C13orf42: variants seen among roughly 807,000 people sequenced by gnomAD.
C13orf42 encodes the protein chromosome 13 open reading frame 42.
At chr13:51,088,197 G>A (rs1953150151) in intron 1 of C13orf42, 122 bp from the exon 2 acceptor site, 1 of 394,716 alleles carries the variant, frequency 2.5e-6, no homozygotes, top group Non-Finnish European at 4.5e-6. Context: ...GGTTTCAAAG[G>A]TAACTATGAA....
intron 1 of C13orf42, among the ~76,000 whole-genome samples, chr13:51,142,223 T>C (rs1323454787): frequency 6.6e-6 from 1 of 152,262 alleles, no homozygotes; most frequent in African/African-American, 2.4e-5. Flanking sequence ...GGGAAAGAAC[T>C]GTTATCACCT....
In C13orf42 at chr13:51,083,666, C is replaced by T. The variant is rs1009402734; in HGVS notation, c.*485G>A. On this transcript the variant is annotated 3_prime_UTR_variant, in exon 4 of 4. Transcript: ENST00000563710. ...GCTGCTTTCTCAACTGCATTCTGCA[C>T]ACAAGACGGCAACCTCAGTGCAGAT... 6.6e-6 allele frequency: 1 copy of T among 152,472 alleles called. No homozygotes were observed. The highest frequency in any genetic ancestry group is 2.4e-5 in the African/African-American group (1 of 41,470). 9.4% of individuals were successfully genotyped at this position (152,472 alleles called of 1,614,324 possible).
At chr13:51,167,046 T>A (rs943770346) in intron 1 of C13orf42, among the ~76,000 whole-genome samples, 5 of 151,456 alleles carry the variant, frequency 3.3e-5, no homozygotes, top group African/African-American at 1.2e-4. Context: ...GCCACTGCAC[T>A]CCAGCCTGGG....
At chr13:51,142,808 A>C (rs1000002405) in intron 1 of C13orf42, among the ~76,000 whole-genome samples, 95 of 152,192 alleles carry the variant, frequency 6.2e-4, no homozygotes, top group African/African-American at 2.2e-3. Context: ...TTATATAAGA[A>C]AGAATCTTCT....
chr13:51,150,110 G>C (rs1250373019), intron 1 of C13orf42, among the ~76,000 whole-genome samples: 1 of 152,198 alleles, frequency 6.6e-6, no homozygotes, highest in Admixed American at 6.5e-5. Flanking sequence ...TAACAGAATT[G>C]CACAAGAATT....
At chr13:51,153,516 A>G (rs1396248965) in intron 1 of C13orf42, among the ~76,000 whole-genome samples, 1 of 151,906 alleles carries the variant, frequency 6.6e-6, no homozygotes, top group African/African-American at 2.4e-5. Flanking sequence ...AAAAAATTGT[A>G]GTAAAAATTA....
intron 1 of C13orf42, among the ~76,000 whole-genome samples, chr13:51,137,716 A>G (rs1465583603): frequency 6.6e-6 from 1 of 152,140 alleles, no homozygotes; most frequent in Non-Finnish European, 1.5e-5. Flanking sequence ...TTATCTGATT[A>G]CAAAACTAGT....
chr13:51,098,963 G>A (rs1953261211), intron 1 of C13orf42, among the ~76,000 whole-genome samples: 2 of 152,152 alleles, frequency 1.3e-5, no homozygotes, highest in Admixed American at 1.3e-4. Context: ...AATTTCCAGG[G>A]TAAAACGTGG....
chr13:51,100,323 C>T (rs1443782631), intron 1 of C13orf42, among the ~76,000 whole-genome samples: 2 of 152,048 alleles, frequency 1.3e-5, no homozygotes, highest in East Asian at 1.9e-4. Flanking sequence ...ATCTGCACAT[C>T]AGAAAACGTC....
At chr13:51,106,110 C>T (rs939170655) in intron 1 of C13orf42, among the ~76,000 whole-genome samples, 4 of 152,172 alleles carry the variant, frequency 2.6e-5, no homozygotes, top group Non-Finnish European at 5.9e-5. Context: ...TATTTCAATG[C>T]TACAGAGACC....
At position 51,088,046 on chromosome 13, in the gene C13orf42, G is replaced by A. The variant is rs1953147725; in HGVS notation, c.444C>T (p.Phe148=). The A allele has an allele frequency of 2.5e-6, 1 of 398,702 alleles. No individual in the cohort carries two copies. The highest frequency in any genetic ancestry group is 2.1e-5 in the African/African-American group (1 of 48,638). The allele number at this position is 398,702 out of a possible 1,614,324, so 24.7% of individuals were successfully genotyped here. A position where few individuals can be genotyped will look rare whatever the true frequency, so the allele number is the denominator to read the frequency against. The stretch of plus-strand genomic sequence containing the variant: ...CAATGGCCTCGGCCACATCAGCACT[G>A]AACTGCGAGTATTTCTTTGGGGTTG... ...KKATPKKYSQ[F]SADVAEAIAF... is the part of the protein sequence containing the mutation. Residue 148 remains phenylalanine, a synonymous_variant, in exon 2 of 4, where the codon TTC becomes TTT. Transcript: ENST00000563710.
chr13:51,162,441 T>G (rs1953873355), intron 1 of C13orf42: 1 of 152,388 alleles, frequency 6.6e-6, no homozygotes, highest in South Asian at 2.1e-4. Context: ...TTCTCCATCT[T>G]GTCATATGCT....
At chr13:51,105,014 G>A (rs1566126850) in intron 1 of C13orf42, among the ~76,000 whole-genome samples, 1 of 152,198 alleles carries the variant, frequency 6.6e-6, no homozygotes, top group Non-Finnish European at 1.5e-5. Context: ...GATGCAGGGT[G>A]GAGTGGAAAT....
chr13:51,118,609 G>A (rs535239043), intron 1 of C13orf42, among the ~76,000 whole-genome samples: 7 of 152,162 alleles, frequency 4.6e-5, no homozygotes, highest in Non-Finnish European at 7.3e-5. Context: ...AGGCAGCCTC[G>A]GCTATCTGCT....
intron 1 of C13orf42, among the ~76,000 whole-genome samples, chr13:51,122,981 C>T (rs987872395): frequency 6.6e-6 from 1 of 152,194 alleles, no homozygotes; most frequent in African/African-American, 2.4e-5. Flanking sequence ...GTTCTGATAG[C>T]ATTAGAAAGA....
upstream of C13orf42, chr13:51,111,298 C>A (rs1320847479): frequency 5.0e-6 from 2 of 397,728 alleles, no homozygotes; most frequent in Non-Finnish European, 4.4e-6. Context: ...GACATCCAGG[C>A]CTCGCACCAT....
intron 1 of C13orf42, among the ~76,000 whole-genome samples, chr13:51,154,676 TTTTCA>T (rs1264451783): frequency 6.6e-6 from 1 of 152,144 alleles, no homozygotes; most frequent in East Asian, 1.9e-4. Context: ...CTGGAACTGG[TTTTCA>T]TTTATCAATG....
intron 1 of C13orf42, among the ~76,000 whole-genome samples, chr13:51,107,857 G>A (rs1198257069): frequency 6.6e-6 from 1 of 152,202 alleles, no homozygotes; most frequent in Non-Finnish European, 1.5e-5. Context: ...AGCTAAAATA[G>A]AGGTGTGTTC....
At chr13:51,088,777 T>C (rs1953154979) in intron 1 of C13orf42, among the ~76,000 whole-genome samples, 1 of 152,184 alleles carries the variant, frequency 6.6e-6, no homozygotes, top group African/African-American at 2.4e-5. Flanking sequence ...TAAATTAAAA[T>C]TAGTATGGTT....
Sources: gnomAD v4.1 joint callset for allele counts (sites outside exome capture counted in the v4.1 genomes callset) on GRCh38, gnomAD v4.1.1 for gene constraint, MANE v1.5 for transcripts, NCBI Gene and HGNC (gene_info 2026-07-23, HGNC 2026-07-21) for gene names.